Variants in ARHGEF3 observed in about 807,000 individuals in gnomAD.
ARHGEF3 encodes Rho guanine nucleotide exchange factor 3, also known as 59.8 kDA protein.
In ARHGEF3, 28 loss-of-function variants were observed where a neutral mutation model predicts 63.2. That is an observed-to-expected ratio of 0.44 (90% confidence interval 0.33 to 0.61). ARHGEF3 has a LOEUF of 0.61. Among genes scored for constraint, ARHGEF3 ranks in the 20% least tolerant of loss-of-function variants. The probability of loss-of-function intolerance (pLI) is 0.03; values close to 1 mark genes in which losing one functional copy is unlikely to be tolerated. For synonymous variants in ARHGEF3, 266 were observed against 254.2 expected, an observed-to-expected ratio of 1.05 and a Z score of -0.44; for missense variants, 533 against 659.3, an observed-to-expected ratio of 0.81 and a Z score of 2.10.
intron 2 of ARHGEF3, among the ~76,000 whole-genome samples, chr3:56,982,454 T>C (rs776587859): frequency 9.9e-5 from 15 of 152,012 alleles, no homozygotes; most frequent in Non-Finnish European, 2.1e-4. Context: ...TCAGGGCTCT[T>C]CTCAGTGGGA....
intron 3 of ARHGEF3, among the ~76,000 whole-genome samples, chr3:56,950,644 G>T (rs902726078): frequency 9.2e-5 from 14 of 152,036 alleles, no homozygotes; most frequent in African/African-American, 3.1e-4. Context: ...TGCTGGAGAG[G>T]ATGTGGAGAA....
At chr3:56,903,188 G>C (rs1461435095) in intron 3 of ARHGEF3, among the ~76,000 whole-genome samples, 1 of 152,122 alleles carries the variant, frequency 6.6e-6, no homozygotes, top group Non-Finnish European at 1.5e-5. Context: ...ACAGAATGGA[G>C]GTAGGGGTCA....
At chr3:57,066,510 G>A (rs1240777744) in intron 1 of ARHGEF3, among the ~76,000 whole-genome samples, 8 of 152,254 alleles carry the variant, frequency 5.3e-5, no homozygotes, top group African/African-American at 1.4e-4. Context: ...TGATCCATCC[G>A]CCTCGGCCTC....
chr3:56,989,923 C>T (rs1701685692), intron 2 of ARHGEF3, among the ~76,000 whole-genome samples: 1 of 152,248 alleles, frequency 6.6e-6, no homozygotes, highest in African/African-American at 2.4e-5. Flanking sequence ...CAAAGGTCCA[C>T]TAACTGCCAG....
chr3:56,970,993 C>G (rs544447085), intron 2 of ARHGEF3, among the ~76,000 whole-genome samples: 2 of 152,304 alleles, frequency 1.3e-5, no homozygotes, highest in African/African-American at 4.8e-5. Flanking sequence ...CTCTTAGTGA[C>G]TGGAGCACAG....
At chr3:56,980,564 G>T (rs921297290) in intron 2 of ARHGEF3, among the ~76,000 whole-genome samples, 1 of 152,142 alleles carries the variant, frequency 6.6e-6, no homozygotes, top group African/African-American at 2.4e-5. Context: ...GCTCTTAGAA[G>T]AGCTAAGAAC....
chr3:57,007,069 G>T, intron 2 of ARHGEF3: 3 of 952,016 alleles, frequency 3.2e-6, no homozygotes, highest in South Asian at 1.8e-5. Flanking sequence ...TCTGGGTGCT[G>T]ACTATTAAGG....
chr3:57,011,197 A>G (rs1165877822), intron 2 of ARHGEF3, among the ~76,000 whole-genome samples: 1 of 152,204 alleles, frequency 6.6e-6, no homozygotes, highest in African/African-American at 2.4e-5. Flanking sequence ...GATGAAAACA[A>G]AGACGTTTTT....
At position 56,751,519 on chromosome 3, in the gene ARHGEF3, C is replaced by T. The variant is rs753731951; in HGVS notation, c.439-123G>A. 131 of 763,492 alleles carry T rather than the reference C, an allele frequency of 1.7e-4. 1 individual carries two copies. The highest frequency in any genetic ancestry group is 2.7e-4 in the Non-Finnish European group (121 of 453,656). 47.3% of individuals were successfully genotyped at this position (763,492 alleles called of 1,614,324 possible). On this transcript the variant is annotated intron_variant, in intron 4 of 9. Transcript: ENST00000296315. ...AACTTCTGGCTCTCTAACAACTTCT[C>T]CCATAAAGCTGCAGAAACAGCAGAG... is the stretch of plus-strand genomic sequence containing the variant.
At position 56,770,601 on chromosome 3, in the gene ARHGEF3, G is replaced by A. The variant is rs370576015; in HGVS notation, c.204+3108C>T. Among the ~76,000 whole-genome samples the A allele has an allele frequency of 3.2e-4, 49 of 152,244 alleles. 1 individual carries two copies. The South Asian group carries it at 1.0e-2, about 31-fold the overall frequency. ...GTTACAAGAAGACATGTGGGGACAA[G>A]CTGGCATTCTCCATGCTTTGCAGAT... On this transcript the variant is annotated intron_variant, in intron 2 of 9. Transcript: ENST00000296315.
chr3:56,850,027 C>A (rs1162033074), intron 4 of ARHGEF3, among the ~76,000 whole-genome samples: 2 of 152,038 alleles, frequency 1.3e-5, no homozygotes, highest in East Asian at 3.9e-4. Flanking sequence ...TAAGTATTAC[C>A]CTTCCCCCGC....
intron 1 of ARHGEF3, among the ~76,000 whole-genome samples, chr3:56,790,887 A>G (rs2037047024): frequency 1.3e-5 from 2 of 152,020 alleles, no homozygotes; most frequent in African/African-American, 2.4e-5. Context: ...CTGACAGCCC[A>G]TGGCAAGTCC....
intron 4 of ARHGEF3, among the ~76,000 whole-genome samples, chr3:56,849,462 T>C (rs17288958): frequency 0.041 from 6,307 of 152,190 alleles, 186 homozygotes; most frequent in African/African-American, 0.082. Flanking sequence ...CTTCATATTT[T>C]TCATCAGTAA....
intron 4 of ARHGEF3, among the ~76,000 whole-genome samples, chr3:56,866,586 C>T (rs1406769135): frequency 1.3e-5 from 2 of 152,146 alleles, no homozygotes; most frequent in Non-Finnish European, 2.9e-5. Flanking sequence ...GCAAGGCTTA[C>T]TCATATTTCA....
At chr3:56,743,738 G>T (rs1340281667) in intron 7 of ARHGEF3, among the ~76,000 whole-genome samples, 1 of 151,996 alleles carries the variant, frequency 6.6e-6, no homozygotes, top group East Asian at 1.9e-4. Context: ...AATTACCTAT[G>T]CATATCCTCC....
intron 8 of ARHGEF3, among the ~76,000 whole-genome samples, chr3:56,732,976 C>T (rs185759505): frequency 5.9e-5 from 9 of 151,852 alleles, no homozygotes; most frequent in African/African-American, 1.9e-4. Flanking sequence ...GGTGAAACCC[C>T]GTCTCTATTA....
At chr3:56,940,444 C>G (rs1327177470) in intron 3 of ARHGEF3, 1 of 152,228 alleles carries the variant, frequency 6.6e-6, no homozygotes, top group African/African-American at 2.4e-5. Flanking sequence ...AACTGGCACA[C>G]AAGCCTACTG....
chr3:56,973,713 T>C (rs1701017501), intron 2 of ARHGEF3, among the ~76,000 whole-genome samples: 1 of 151,836 alleles, frequency 6.6e-6, no homozygotes, highest in African/African-American at 2.4e-5. Flanking sequence ...CCCACCAAAT[T>C]TGGCAAAGCA....
chr3:56,964,444 A>G (rs1380086799), intron 2 of ARHGEF3, among the ~76,000 whole-genome samples: 1 of 151,948 alleles, frequency 6.6e-6, no homozygotes, highest in Non-Finnish European at 1.5e-5. Context: ...CCAGCAGTCC[A>G]GCTGAGAATG....
Sources: gnomAD v4.1 joint callset for allele counts (sites outside exome capture counted in the v4.1 genomes callset) on GRCh38, gnomAD v4.1.1 for gene constraint, MANE v1.5 for transcripts, NCBI Gene and HGNC (gene_info 2026-07-23, HGNC 2026-07-21) for gene names.